BCAS3: variants seen among roughly 807,000 people sequenced by gnomAD.
The protein encoded by BCAS3 is BCAS3 microtubule associated cell migration factor, also known as BCAS4/BCAS3 fusion.
BCAS3 carries 53 observed loss-of-function variants against 116.1 expected under a neutral mutation model. That is an observed-to-expected ratio of 0.46 (90% CI 0.37 to 0.57). The LOEUF (loss-of-function observed/expected upper bound fraction) is 0.57. BCAS3 is among the 20% of genes least tolerant of loss of function. The pLI is 0.00. For synonymous variants in BCAS3, 391 were observed against 408.2 expected (o/e 0.96, Z 0.51); for missense variants, 917 against 1,165.4 (o/e 0.79, Z 3.10).
In BCAS3 at chr17:61,381,581, A is replaced by C. The variant is rs989657588; in HGVS notation, c.2594-10396A>C. ...CTTCAAACCTTGTTCACTGATGTCAAGGCTACCAGACGCTAAATGCCACCG... is the reference window on the plus strand; with the variant it reads ...CTTCAAACCTTGTTCACTGATGTCACGGCTACCAGACGCTAAATGCCACCG... On this transcript the variant is annotated intron_variant, in intron 23 of 23. Coordinates refer to ENST00000407086, the MANE Select transcript of BCAS3 (RefSeq NM_017679.5). This position sits in a 1 kb window ranked among gnomAD's most constrained non-coding sequence, Gnocchi z 6.0. 6.6e-6 allele frequency among the ~76,000 whole-genome samples: 1 copy of C among 152,160 alleles called. No homozygotes were observed. Among genetic ancestry groups the C allele is most frequent in the Non-Finnish European group, 1.5e-5 (1 of 68,030 alleles).
chr17:61,231,504 AC>A lies in BCAS3; in HGVS notation c.2426-136820del, dbSNP rs150500514. Among the ~76,000 whole-genome samples, 63 of 152,230 alleles carry A rather than the reference AC, an allele frequency of 4.1e-4. 1 individual carries two copies. The highest frequency in any genetic ancestry group is 1.5e-3 in the African/African-American group (61 of 41,544). On this transcript the variant is annotated intron_variant, in intron 22 of 23. Transcript: ENST00000407086. ...ACCATGAAGTACAAAGCTGTTTTTAACCCATACCTTTCTTAAGTTCCAAATC... is the reference window on the plus strand; with the variant it reads ...ACCATGAAGTACAAAGCTGTTTTTAACCATACCTTTCTTAAGTTCCAAATC...
intron 14 of BCAS3, among the ~76,000 whole-genome samples, chr17:60,949,259 G>T (rs74993496): frequency 0.021 from 3,118 of 151,734 alleles, 78 homozygotes; most frequent in African/African-American, 0.06. Context: ...ATTATTATTA[G>T]TAGTAGTAGT....
At chr17:60,682,578 A>T (rs1007898769) in intron 2 of BCAS3, among the ~76,000 whole-genome samples, 2 of 152,050 alleles carry the variant, frequency 1.3e-5, no homozygotes, top group Non-Finnish European at 2.9e-5. Flanking sequence ...GCTGGAGTGC[A>T]GTGGCGCGGT....
intron 17 of BCAS3, among the ~76,000 whole-genome samples, chr17:61,036,555 AC>A (rs1396014794): frequency 6.6e-6 from 1 of 151,980 alleles, no homozygotes; most frequent in Non-Finnish European, 1.5e-5. Context: ...TGTTCTAATT[AC>A]CTTTTTAACT....
At chr17:61,058,553 A>G (rs2069632230) in intron 19 of BCAS3, among the ~76,000 whole-genome samples, 1 of 152,096 alleles carries the variant, frequency 6.6e-6, no homozygotes, top group African/African-American at 2.4e-5. Flanking sequence ...TAAATATGAA[A>G]CCAACAAACC....
intron 19 of BCAS3, among the ~76,000 whole-genome samples, chr17:61,043,227 G>T (rs553496160): frequency 6.6e-6 from 1 of 152,000 alleles, no homozygotes; most frequent in East Asian, 1.9e-4. Flanking sequence ...AATCACCCAG[G>T]TGTGGTGGCG....
intron 7 of BCAS3, among the ~76,000 whole-genome samples, chr17:60,828,920 C>T (rs907937285): frequency 1.3e-5 from 2 of 152,090 alleles, no homozygotes; most frequent in African/African-American, 2.4e-5. Context: ...TTGGTTGCCA[C>T]ATCATGGAGT....
rs762504866 is a variant in BCAS3, at chr17:61,084,463, G to A, written c.2328-4G>A. 3 of 1,600,118 alleles carry A rather than the reference G, an allele frequency of 1.9e-6. No homozygotes were observed. The highest frequency in any genetic ancestry group is 1.1e-5 in the South Asian group (1 of 88,780). On this transcript the variant is annotated splice_polypyrimidine_tract_variant and splice_region_variant and intron_variant, in intron 21 of 23. Transcript: ENST00000407086. The surrounding 1 kb of genome is among the most constrained non-coding windows in gnomAD (Gnocchi z 5.5). ...TATGTGAATTAAATTAAATTGCATT[G>A]CAGGATCCAGCCAGTCCGCTCTGAC...
intron 6 of BCAS3, among the ~76,000 whole-genome samples, chr17:60,781,172 G>A (rs534022527): frequency 1.3e-5 from 2 of 151,760 alleles, no homozygotes; most frequent in African/African-American, 2.4e-5. Flanking sequence ...GTCTCACCAT[G>A]TTGGCTAGGC....
At chr17:60,851,683 A>G (rs2053184299) in intron 7 of BCAS3, 3 of 801,134 alleles carry the variant, frequency 3.7e-6, no homozygotes, top group Middle Eastern at 2.3e-4. Flanking sequence ...AAAGGGGGAA[A>G]TGAAAACTGA....
At chr17:61,170,640 T>C (rs766292959) in intron 22 of BCAS3, among the ~76,000 whole-genome samples, 9 of 152,066 alleles carry the variant, frequency 5.9e-5, no homozygotes, top group Non-Finnish European at 1.3e-4. Context: ...CAGTTAAGGA[T>C]AGTTATCCCT....
At chr17:61,334,394 C>A (rs770631600) in intron 22 of BCAS3, among the ~76,000 whole-genome samples, 51 of 152,204 alleles carry the variant, frequency 3.4e-4, no homozygotes, top group Non-Finnish European at 5.9e-4. Flanking sequence ...GGGCCGGGCG[C>A]GGTGGCTCAC....
rs869112996 is a variant in BCAS3, at chr17:60,799,524, GT to G, written c.404-8459del. Among the ~76,000 whole-genome samples, 902 of 102,288 alleles carry G rather than the reference GT, an allele frequency of 8.8e-3. 1 individual carries two copies. The highest frequency in any genetic ancestry group is 0.029 in the African/African-American group (782 of 26,790). 67.1% of individuals were successfully genotyped at this position (102,288 alleles called of 152,430 possible). ...TGTAAGTTTTTTGAGATTAGTGTTT[GT>G]TTTTTTTTTTTTTTTTTTTTGGAGA... On this transcript the variant is annotated intron_variant, in intron 6 of 23. Transcript: ENST00000407086.
chr17:61,204,034 C>T lies in BCAS3; in HGVS notation c.2425+119470C>T, dbSNP rs936112579. ...GGTTGTTCAGCCTGGTGACCCTAGCCGCCTGTGATTTACTAACTGTTTTAC... is the reference window on the plus strand; with the variant it reads ...GGTTGTTCAGCCTGGTGACCCTAGCTGCCTGTGATTTACTAACTGTTTTAC... On this transcript the variant is annotated intron_variant, in intron 22 of 23. Coordinates refer to ENST00000407086, the MANE Select transcript of BCAS3 (RefSeq NM_017679.5). The surrounding 1 kb of genome is among the most constrained non-coding windows in gnomAD (Gnocchi z 4.2). Among the ~76,000 whole-genome samples the T allele has an allele frequency of 4.6e-5, 7 of 152,268 alleles. No homozygotes were observed. Among genetic ancestry groups the T allele is most frequent in the African/African-American group, 9.6e-5 (4 of 41,548 alleles).
At chr17:61,001,425 G>A (rs533654292) in intron 15 of BCAS3, among the ~76,000 whole-genome samples, 2 of 152,228 alleles carry the variant, frequency 1.3e-5, no homozygotes, top group Non-Finnish European at 2.9e-5. Flanking sequence ...TAAATACAAA[G>A]CAACCACACA....
rs910952365 is a variant in BCAS3, at chr17:61,136,848, T to C, written c.2425+52284T>C. 4.6e-5 allele frequency among the ~76,000 whole-genome samples: 7 copies of C among 152,090 alleles called. No homozygotes were observed. The highest frequency in any genetic ancestry group is 7.4e-5 in the Non-Finnish European group (5 of 67,992). ...TCCTGAGATTACAGGTGTGAGCCAC[T>C]GTGCTCAGCCAATTGTCCCCATTTA... is the stretch of plus-strand genomic sequence containing the variant. On this transcript the variant is annotated intron_variant, in intron 22 of 23. Transcript: ENST00000407086. The surrounding 1 kb of genome is among the most constrained non-coding windows in gnomAD (Gnocchi z 4.4).
intron 14 of BCAS3, among the ~76,000 whole-genome samples, chr17:60,966,105 C>G (rs192729122): frequency 1.3e-4 from 20 of 152,282 alleles, no homozygotes; most frequent in Non-Finnish European, 2.5e-4. Flanking sequence ...TCTTTATAAT[C>G]TTAGATTGGT....
At chr17:61,206,801 C>CAAAAA (rs71148392) in intron 22 of BCAS3, among the ~76,000 whole-genome samples, 8 of 74,926 alleles carry the variant, frequency 1.1e-4, no homozygotes, top group African/African-American at 5.1e-5. Context: ...AACTCTGTCT[C>CAAAAA]AAAAAAAAAA....
chr17:60,874,552 A>G (rs1467174695), intron 8 of BCAS3, 110 bp from the exon 9 acceptor site: 1 of 655,430 alleles, frequency 1.5e-6, no homozygotes, highest in African/African-American at 1.8e-5. Flanking sequence ...TTAAAATTGT[A>G]TTAGTAGGCA....
Sources: gnomAD v4.1 joint callset for allele counts (sites outside exome capture counted in the v4.1 genomes callset) on GRCh38, gnomAD v4.1.1 for gene constraint, Gnocchi (gnomAD v3.1) non-coding constraint, MANE v1.5 for transcripts, NCBI Gene and HGNC (gene_info 2026-07-23, HGNC 2026-07-21) for gene names.